KLHL18: variants seen among roughly 807,000 people sequenced by gnomAD.
KLHL18 encodes kelch like family member 18.
KLHL18 carries 38 observed loss-of-function variants against 58.5 expected under a neutral mutation model. The observed-to-expected ratio is 0.65, with a 90% CI of 0.50 to 0.85. The LOEUF is 0.85. KLHL18 is among the 40% of genes least tolerant of loss of function. KLHL18 has a pLI of 0.00. For synonymous variants in KLHL18, 303 were observed against 301.9 expected (o/e 1.00, Z -0.04); for missense variants, 624 against 778.4 (o/e 0.80, Z 2.36).
intron 1 of KLHL18, among the ~76,000 whole-genome samples, chr3:47,302,507 TAAGG>T (rs1403334891): frequency 1.3e-5 from 2 of 152,032 alleles, no homozygotes; most frequent in African/African-American, 2.4e-5. Context: ...AAAAGAAACA[TAAGG>T]AAGAGAAAAT....
At chr3:47,303,696 A>G (rs1470350082) in intron 1 of KLHL18, among the ~76,000 whole-genome samples, 1 of 152,128 alleles carries the variant, frequency 6.6e-6, no homozygotes, top group Non-Finnish European at 1.5e-5. Context: ...TTGGGATTAT[A>G]GGCATTAGCC....
Position 47,334,947 on chromosome 3 carries a change from T to G in KLHL18, c.898+128T>G. On this transcript the variant is annotated intron_variant, in intron 6 of 9. Transcript: ENST00000232766. This position sits in a 1 kb window ranked among gnomAD's most constrained non-coding sequence, Gnocchi z 4.7. ...TCACCACCCTTGCCCCTCTTGATTT[T>G]ATACAATTGCTCTACAGTTAGAGCA... 1.1e-6 allele frequency: 1 copy of G among 911,888 alleles called. No homozygotes were observed. 56.5% of individuals were successfully genotyped at this position (911,888 alleles called of 1,614,324 possible).
chr3:47,307,357 GCCA>G (rs779747401), intron 1 of KLHL18, among the ~76,000 whole-genome samples: 23 of 152,154 alleles, frequency 1.5e-4, no homozygotes, highest in Non-Finnish European at 2.6e-4. Context: ...ACAGGCGTGA[GCCA>G]CCACACCTGG....
chr3:47,343,473 G>A (rs1265453173), intron 9 of KLHL18, 82 bp from the exon 10 acceptor site: 2 of 1,500,542 alleles, frequency 1.3e-6, no homozygotes, highest in Non-Finnish European at 9.1e-7. Flanking sequence ...ATCATGGGGG[G>A]CTGCTGTGCC....
intron 7 of KLHL18, 166 bp downstream of exon 7, chr3:47,336,923 T>C: frequency 1.6e-6 from 1 of 613,860 alleles, no homozygotes; most frequent in East Asian, 2.8e-5. Context: ...AGCCCCCATC[T>C]GCTTAAAAGT....
Position 47,342,842 on chromosome 3 carries a change from C to T in KLHL18, c.1338+12C>T, listed in dbSNP as rs964784638. ...AGATCTTCAGCAGTGTGAGTCTGGG[C>T]TCCCCCTGGGATAAGGGTACCTACT... On this transcript the variant is annotated intron_variant, in intron 9 of 9. Coordinates refer to ENST00000232766, the MANE Select transcript of KLHL18 (RefSeq NM_025010.5). The T allele has an allele frequency of 6.3e-7, 1 of 1,585,112 alleles. No individual in the cohort carries two copies.
intron 8 of KLHL18, among the ~76,000 whole-genome samples, chr3:47,341,162 C>T (rs576095181): frequency 3.3e-5 from 5 of 152,304 alleles, no homozygotes; most frequent in African/African-American, 9.6e-5. Context: ...TGTTTAACCT[C>T]GGGTTTTATA....
At chr3:47,326,086 T>A (rs1231726308) in intron 3 of KLHL18, among the ~76,000 whole-genome samples, 1 of 152,184 alleles carries the variant, frequency 6.6e-6, no homozygotes, top group Non-Finnish European at 1.5e-5. Flanking sequence ...CAGCTGGGGC[T>A]ACAGGCGTGT....
intron 4 of KLHL18, among the ~76,000 whole-genome samples, chr3:47,331,037 TA>T (rs1273613763): frequency 1.3e-5 from 2 of 152,110 alleles, no homozygotes; most frequent in East Asian, 3.9e-4. Context: ...CGGCCTAGTA[TA>T]GATAACTTTT....
intron 2 of KLHL18, among the ~76,000 whole-genome samples, chr3:47,321,416 T>C (rs1328108337): frequency 6.6e-6 from 1 of 151,030 alleles, no homozygotes; most frequent in Admixed American, 6.6e-5. Context: ...ACATGATCTC[T>C]GTTCACTGCA....
chr3:47,323,050 C>G (rs750418652), intron 3 of KLHL18, among the ~76,000 whole-genome samples: 1 of 152,062 alleles, frequency 6.6e-6, no homozygotes, highest in Non-Finnish European at 1.5e-5. Flanking sequence ...ATAGCCATCT[C>G]CATCTTTGTT....
intron 8 of KLHL18, among the ~76,000 whole-genome samples, chr3:47,342,426 T>TG (rs1404884274): frequency 6.6e-6 from 1 of 152,194 alleles, no homozygotes; most frequent in Non-Finnish European, 1.5e-5. Context: ...AGAGGGCTGG[T>TG]GGTCTGCTTA....
chr3:47,319,579 G>C lies in KLHL18; in HGVS notation c.130-74G>C, dbSNP rs1284597348. On this transcript the variant is annotated intron_variant, in intron 1 of 9. Transcript: ENST00000232766. ...GCTGTGGAGCCGGGCGGAGGGGCAG[G>C]GTGGGTTTTTTTGTTTGTTTGTTTT... 6.5e-6 allele frequency: 10 copies of C among 1,530,518 alleles called. No homozygotes were observed. The Admixed American group carries it at 1.3e-4, about 19-fold the overall frequency. The allele number at this position is 1,530,518 out of a possible 1,614,324, so 94.8% of individuals were successfully genotyped here. A position where few individuals can be genotyped will look rare whatever the true frequency, so the allele number is the denominator to read the frequency against.
rs1036561358 is a variant in KLHL18 at position 47,344,267 on chromosome 3, A to C, written c.*326A>C. On this transcript the variant is annotated 3_prime_UTR_variant, in exon 10 of 10. Transcript: ENST00000232766. ...CCGCCTCTCTGTGGGCCAGCTGTTC[A>C]CAGAAGGCCTTCCATCTGATGCTCC... 1 of 373,928 alleles carries C rather than the reference A, an allele frequency of 2.7e-6. No homozygotes were observed. The highest frequency in any genetic ancestry group is 6.3e-5 in the East Asian group (1 of 15,996). The allele number at this position is 373,928 out of a possible 1,614,324, so 23.2% of individuals were successfully genotyped here.
chr3:47,322,791 C>A lies in KLHL18; in HGVS notation c.401+83C>A, dbSNP rs948292560. Reference sequence around the variant, plus strand: ...TGCCAGTTTGCTGAGTTCTTGGGACCATATATAGGTTTATGAAGGGAGTGA... The same window carrying A: ...TGCCAGTTTGCTGAGTTCTTGGGACAATATATAGGTTTATGAAGGGAGTGA... On this transcript the variant is annotated intron_variant, in intron 3 of 9. Transcript: ENST00000232766. 26 of 1,339,876 alleles carry A rather than the reference C, an allele frequency of 1.9e-5. No individual in the cohort carries two copies. In the African/African-American group the frequency reaches 3.9e-4, roughly 20 times the overall value. 83.0% of individuals were successfully genotyped at this position (1,339,876 alleles called of 1,614,324 possible).
chr3:47,286,629 A>T (rs753819901), intron 1 of KLHL18, among the ~76,000 whole-genome samples: 1 of 152,302 alleles, frequency 6.6e-6, no homozygotes, highest in Non-Finnish European at 1.5e-5. Flanking sequence ...CTGAAAACTC[A>T]TATTTCTGAC....
intron 1 of KLHL18, among the ~76,000 whole-genome samples, chr3:47,310,090 A>G (rs1703263494): frequency 6.6e-6 from 1 of 152,162 alleles, no homozygotes; most frequent in Non-Finnish European, 1.5e-5. Context: ...TTTTCCATCA[A>G]AGAGAAATCT....
chr3:47,341,261 A>G (rs1451358227), intron 8 of KLHL18, among the ~76,000 whole-genome samples: 2 of 152,228 alleles, frequency 1.3e-5, no homozygotes, highest in African/African-American at 4.8e-5. Context: ...TCATTTCAGT[A>G]TTTGAATCCT....
chr3:47,319,876 G>C, intron 2 of KLHL18, 93 bp downstream of exon 2: 1 of 1,294,372 alleles, frequency 7.7e-7, no homozygotes, highest in Admixed American at 1.8e-5. Context: ...GCAGGACACA[G>C]TGTCTAATAG....
Sources: gnomAD v4.1 joint callset for allele counts (sites outside exome capture counted in the v4.1 genomes callset) on GRCh38, gnomAD v4.1.1 for gene constraint, Gnocchi (gnomAD v3.1) non-coding constraint, MANE v1.5 for transcripts, NCBI Gene and HGNC (gene_info 2026-07-23, HGNC 2026-07-21) for gene names.